Variants in GPBP1 observed in about 807,000 individuals in gnomAD.
GPBP1 encodes the protein GC-rich promoter binding protein 1.
In GPBP1, 13 loss-of-function variants were observed where a neutral mutation model predicts 56.5. That is an observed-to-expected ratio of 0.23 (90% confidence interval 0.15 to 0.37). The LOEUF is 0.37. GPBP1 is among the 10% of genes least tolerant of loss of function. The pLI, the probability that GPBP1 is intolerant of heterozygous loss-of-function variation, is 1.00. For missense variants in GPBP1, 477 were observed against 572.3 expected (o/e 0.83, Z 1.70); for synonymous variants, 204 against 188.9 (o/e 1.08, Z -0.66).
chr5:57,243,821 A>G (rs1740949702), intron 6 of GPBP1, among the ~76,000 whole-genome samples: 1 of 151,690 alleles, frequency 6.6e-6, no homozygotes, highest in Non-Finnish European at 1.5e-5. Context: ...AGTAGCTAAG[A>G]CTACAGGTGC....
intron 5 of GPBP1, among the ~76,000 whole-genome samples, chr5:57,234,066 A>G (rs1037725327): frequency 6.6e-6 from 1 of 152,198 alleles, no homozygotes; most frequent in Non-Finnish European, 1.5e-5. Flanking sequence ...ACCACCGCCA[A>G]AATCTTAATT....
At position 57,262,799 on chromosome 5, in the gene GPBP1, T is replaced by C. The variant is rs758217605; in HGVS notation, c.*47T>C. The C allele has an allele frequency of 2.6e-6, 4 of 1,531,390 alleles. No homozygotes were observed. In the African/African-American group the frequency reaches 4.1e-5, roughly 16 times the overall value. 94.9% of individuals were successfully genotyped at this position (1,531,390 alleles called of 1,614,324 possible). ...AAATCTTAGTGTGATACATCTCTCA[T>C]ACAGTTTGGGGTGAATTGTAAAAAT... On this transcript the variant is annotated 3_prime_UTR_variant, in exon 12 of 12. Coordinates refer to ENST00000506184, the MANE Select transcript of GPBP1 (RefSeq NM_022913.4).
At chr5:57,222,396 T>C (rs933456333) in intron 3 of GPBP1, among the ~76,000 whole-genome samples, 2 of 152,248 alleles carry the variant, frequency 1.3e-5, no homozygotes, top group African/African-American at 4.8e-5. Flanking sequence ...TTCATCAGTT[T>C]AATAAGTTTT....
At chr5:57,197,982 T>C (rs1754840477) in intron 2 of GPBP1, among the ~76,000 whole-genome samples, 1 of 152,164 alleles carries the variant, frequency 6.6e-6, no homozygotes, top group South Asian at 2.1e-4. Flanking sequence ...AAATATCTTT[T>C]GGTGCCAGAA....
At chr5:57,239,000 T>C (rs1740678953) in intron 6 of GPBP1, among the ~76,000 whole-genome samples, 1 of 152,216 alleles carries the variant, frequency 6.6e-6, no homozygotes, top group Admixed American at 6.5e-5. Context: ...TAAATTATGA[T>C]GAAAGCCAAT....
intron 2 of GPBP1, among the ~76,000 whole-genome samples, chr5:57,207,858 T>C (rs1755300610): frequency 6.6e-6 from 1 of 152,102 alleles, no homozygotes; most frequent in Non-Finnish European, 1.5e-5. Flanking sequence ...CCAGCCTGCT[T>C]TCTGTCAGTG....
intron 10 of GPBP1, among the ~76,000 whole-genome samples, chr5:57,254,321 C>G (rs974263672): frequency 2.0e-5 from 3 of 152,108 alleles, no homozygotes; most frequent in Non-Finnish European, 4.4e-5. Context: ...TTCGTGGTTA[C>G]TTTTGTTTCC....
At chr5:57,209,286 AT>A (rs1755375208) in intron 2 of GPBP1, among the ~76,000 whole-genome samples, 1 of 152,006 alleles carries the variant, frequency 6.6e-6, no homozygotes, top group African/African-American at 2.4e-5. Context: ...TTCCTTCCCA[AT>A]TTGGATGCCA....
intron 2 of GPBP1, among the ~76,000 whole-genome samples, chr5:57,206,712 A>G (rs1376180068): frequency 6.6e-6 from 1 of 152,174 alleles, no homozygotes; most frequent in African/African-American, 2.4e-5. Context: ...GGGGGGTCCA[A>G]TGGCTATTTA....
chr5:57,213,289 G>T (rs1755569107), intron 2 of GPBP1, among the ~76,000 whole-genome samples: 1 of 152,118 alleles, frequency 6.6e-6, no homozygotes, highest in Non-Finnish European at 1.5e-5. Flanking sequence ...GACTTCAGGT[G>T]ATCTGCCCTC....
chr5:57,205,434 G>A (rs1755191121), intron 2 of GPBP1, among the ~76,000 whole-genome samples: 1 of 152,104 alleles, frequency 6.6e-6, no homozygotes, highest in Admixed American at 6.6e-5. Context: ...TATATACCTA[G>A]CAATGGTATT....
At chr5:57,226,553 C>CTTTTTTT (rs34180383) in intron 3 of GPBP1, among the ~76,000 whole-genome samples, 85 of 62,118 alleles carry the variant, frequency 1.4e-3, no homozygotes, top group East Asian at 2.5e-3. Context: ...AGCATTTTTG[C>CTTTTTTT]TTTTTTTTTT....
At chr5:57,208,402 T>A (rs2111734779) in intron 2 of GPBP1, among the ~76,000 whole-genome samples, 1 of 152,052 alleles carries the variant, frequency 6.6e-6, no homozygotes, top group South Asian at 2.1e-4. Context: ...CCTGGCTGAT[T>A]TTTTTATTTT....
At chr5:57,239,693 T>G (rs2111892356) in intron 6 of GPBP1, among the ~76,000 whole-genome samples, 1 of 152,102 alleles carries the variant, frequency 6.6e-6, no homozygotes, top group African/African-American at 2.4e-5. Flanking sequence ...GGCATGAAAA[T>G]CGCTTGAACC....
intron 2 of GPBP1, among the ~76,000 whole-genome samples, chr5:57,205,389 C>G (rs1357510919): frequency 6.6e-6 from 1 of 152,194 alleles, no homozygotes; most frequent in Non-Finnish European, 1.5e-5. Context: ...CACTGGTGTA[C>G]AACAATTTGA....
At chr5:57,221,564 TG>T (rs1755960256) in intron 3 of GPBP1, among the ~76,000 whole-genome samples, 2 of 152,318 alleles carry the variant, frequency 1.3e-5, no homozygotes, top group Admixed American at 1.3e-4. Context: ...AAAGGGTAGA[TG>T]AATGGTATAA....
At chr5:57,178,538 G>A (rs181477186) in intron 2 of GPBP1, among the ~76,000 whole-genome samples, 21 of 152,258 alleles carry the variant, frequency 1.4e-4, no homozygotes, top group Non-Finnish European at 2.4e-4. Flanking sequence ...GAGCCACTGC[G>A]TCCAGCCTTG....
intron 2 of GPBP1, among the ~76,000 whole-genome samples, chr5:57,191,387 C>T (rs924529623): frequency 2.0e-5 from 3 of 152,078 alleles, no homozygotes; most frequent in African/African-American, 2.4e-5. Context: ...AGCCGCCGTG[C>T]CTGGCCTTGC....
At position 57,231,131 on chromosome 5, in the gene GPBP1, G is replaced by A. The variant is rs767453704; in HGVS notation, c.221G>A (p.Arg74His). 26 of 1,613,976 alleles carry A rather than the reference G, an allele frequency of 1.6e-5. No individual in the cohort carries two copies. Among genetic ancestry groups the A allele is most frequent in the Admixed American group, 3.3e-5 (2 of 60,006 alleles). The change falls in exon 5 of 12, where the codon CGT becomes CAT. Residue 74 changes from arginine (R) to histidine (H), a missense_variant. Around this residue, in one of 2 missense-constraint regions of GPBP1, gnomAD observed 414 missense variants for 458.2 expected, o/e 0.90. Transcript: ENST00000506184. The part of the protein sequence containing the change: ...NFGRKEKNGW[R>H]THGRNGTENI... ...GGAAGGAAAGAAAAAAATGGATGGC[G>A]TACACATGGAAGAAATGGTACAGAA...
Sources: gnomAD v4.1 joint callset for allele counts (sites outside exome capture counted in the v4.1 genomes callset) on GRCh38, gnomAD v4.1.1 for gene constraint, gnomAD v4.1.1 regional missense constraint, MANE v1.5 for transcripts, NCBI Gene and HGNC (gene_info 2026-07-23, HGNC 2026-07-21) for gene names.